PPP1R9A: variants seen among roughly 807,000 people sequenced by gnomAD.
PPP1R9A encodes protein phosphatase 1 regulatory subunit 9A.
In PPP1R9A, 59 loss-of-function variants were observed where a neutral mutation model predicts 141.9. That is an observed-to-expected ratio of 0.42 (90% CI 0.34 to 0.52). PPP1R9A has a LOEUF of 0.52. PPP1R9A is among the 20% of genes least tolerant of loss of function. PPP1R9A has a pLI of 0.10. For synonymous variants in PPP1R9A, 500 were observed against 569.7 expected, an observed-to-expected ratio of 0.88 and a Z score of 1.74; for missense variants, 1,444 against 1,611.9, an observed-to-expected ratio of 0.90 and a Z score of 1.78.
chr7:95,287,159 G>A (rs1805504544), intron 18 of PPP1R9A: 2 of 1,610,434 alleles, frequency 1.2e-6, no homozygotes, highest in Non-Finnish European at 1.7e-6. Flanking sequence ...GCTGTGTGTG[G>A]TGGCTTGTGT....
intron 2 of PPP1R9A, among the ~76,000 whole-genome samples, chr7:94,919,987 A>G (rs1458981519): frequency 2.2e-4 from 34 of 152,176 alleles, no homozygotes; most frequent in Admixed American, 2.2e-3. Flanking sequence ...TGTCTTAAAC[A>G]TATTTGTACT....
intron 2 of PPP1R9A, among the ~76,000 whole-genome samples, chr7:95,048,652 C>T (rs1810369311): frequency 6.6e-6 from 1 of 151,980 alleles, no homozygotes; most frequent in African/African-American, 2.4e-5. Flanking sequence ...AATCTATTCT[C>T]CTGCCTCAAC....
chr7:95,038,557 C>T (rs1294764818), intron 2 of PPP1R9A, among the ~76,000 whole-genome samples: 9 of 152,048 alleles, frequency 5.9e-5, no homozygotes, highest in Non-Finnish European at 5.9e-5. Context: ...TGTCCACACT[C>T]CAGGGTGAAA....
chr7:95,280,403 T>G (rs1803976341), intron 16 of PPP1R9A, among the ~76,000 whole-genome samples: 1 of 152,214 alleles, frequency 6.6e-6, no homozygotes, highest in South Asian at 2.1e-4. Context: ...TATTCAAAGT[T>G]AGAATGACAA....
At chr7:95,158,966 G>A (rs549844683) in intron 4 of PPP1R9A, among the ~76,000 whole-genome samples, 6 of 152,326 alleles carry the variant, frequency 3.9e-5, no homozygotes, top group East Asian at 1.9e-4. Context: ...AGGGCATGGA[G>A]ATTTGTTAAT....
intron 2 of PPP1R9A, among the ~76,000 whole-genome samples, chr7:95,060,575 G>T (rs544895481): frequency 7.2e-4 from 110 of 152,298 alleles, no homozygotes; most frequent in Middle Eastern, 3.4e-3. Context: ...GATGGAATCA[G>T]TCTTGGTTAG....
At chr7:95,133,003 G>A (rs1358390088) in intron 4 of PPP1R9A, among the ~76,000 whole-genome samples, 5 of 152,114 alleles carry the variant, frequency 3.3e-5, no homozygotes, top group Non-Finnish European at 7.4e-5. Flanking sequence ...CTGGGTTCTT[G>A]TGCCATGACC....
At chr7:95,041,890 A>G (rs1369673424) in intron 2 of PPP1R9A, among the ~76,000 whole-genome samples, 1 of 152,122 alleles carries the variant, frequency 6.6e-6, no homozygotes, top group Non-Finnish European at 1.5e-5. Flanking sequence ...TTTGAGATCT[A>G]TTTGCACACT....
At chr7:95,058,004 A>C (rs189128038) in intron 2 of PPP1R9A, among the ~76,000 whole-genome samples, 132 of 152,300 alleles carry the variant, frequency 8.7e-4, no homozygotes, top group Non-Finnish European at 1.7e-3. Flanking sequence ...AAACCAGAGT[A>C]CTAGAAATTC....
intron 2 of PPP1R9A, among the ~76,000 whole-genome samples, chr7:95,107,250 T>A (rs1361329212): frequency 6.6e-6 from 1 of 152,220 alleles, no homozygotes; most frequent in Non-Finnish European, 1.5e-5. Context: ...TACCTACTTA[T>A]ACATGCAATT....
At chr7:95,002,648 G>A (rs941378757) in intron 2 of PPP1R9A, among the ~76,000 whole-genome samples, 16 of 152,116 alleles carry the variant, frequency 1.1e-4, no homozygotes, top group African/African-American at 3.9e-4. Context: ...GATTTCGCAG[G>A]AAAGAAAAGT....
At chr7:95,175,490 C>A (rs1448378865) in intron 5 of PPP1R9A, among the ~76,000 whole-genome samples, 1 of 149,198 alleles carries the variant, frequency 6.7e-6, no homozygotes, top group Non-Finnish European at 1.5e-5. Flanking sequence ...TTCTATAACC[C>A]TTTGCCTTTA....
chr7:95,274,172 C>A lies in PPP1R9A; in HGVS notation c.3296+4C>A. The A allele has an allele frequency of 6.5e-7, 1 of 1,548,480 alleles. No individual in the cohort carries two copies. The highest frequency in any genetic ancestry group is 8.7e-7 in the Non-Finnish European group (1 of 1,144,378). ...GTAGGTTTTCTGCAGGTAGCAGGTA[C>A]GGTTGTGTGATTAAGAACACGTGTA... On this transcript the variant is annotated splice_donor_region_variant and intron_variant, in intron 16 of 19. Transcript: ENST00000433360.
intron 12 of PPP1R9A, among the ~76,000 whole-genome samples, chr7:95,264,778 T>G (rs138769414): frequency 1.5e-3 from 221 of 152,248 alleles, no homozygotes; most frequent in African/African-American, 5.2e-3. Context: ...TTTCAGAGAC[T>G]GGAGGGTCTG....
intron 7 of PPP1R9A, among the ~76,000 whole-genome samples, chr7:95,219,299 CA>C: frequency 6.6e-6 from 1 of 152,176 alleles, no homozygotes; most frequent in Non-Finnish European, 1.5e-5. Context: ...TATTGGCCCC[CA>C]CTCTCTTCTG....
At chr7:95,217,106 G>C (rs1162414998) in intron 7 of PPP1R9A, among the ~76,000 whole-genome samples, 1 of 152,112 alleles carries the variant, frequency 6.6e-6, no homozygotes, top group Admixed American at 6.6e-5. Flanking sequence ...CTGTGGGTTT[G>C]TCATAAATAG....
Position 95,120,836 on chromosome 7 carries a change from A to T in PPP1R9A, c.1649+4A>T. 6.2e-7 allele frequency: 1 copy of T among 1,612,694 alleles called. No homozygotes were observed. Among genetic ancestry groups the T allele is most frequent in the Non-Finnish European group, 8.5e-7 (1 of 1,179,448 alleles). ...GTGCTGCTCAACGGGATGGCAGGTAAATTAAGGACTGTTGTTAATAACTTA... is the reference window on the plus strand; with the variant it reads ...GTGCTGCTCAACGGGATGGCAGGTATATTAAGGACTGTTGTTAATAACTTA... On this transcript the variant is annotated splice_donor_region_variant and intron_variant, in intron 4 of 19. Coordinates refer to ENST00000433360, the MANE Select transcript of PPP1R9A (RefSeq NM_001166160.2).
intron 2 of PPP1R9A, among the ~76,000 whole-genome samples, chr7:95,002,148 C>G (rs979011997): frequency 6.6e-6 from 1 of 152,164 alleles, no homozygotes; most frequent in Non-Finnish European, 1.5e-5. Flanking sequence ...CTGAAACTTA[C>G]TAACCCCCAG....
intron 2 of PPP1R9A, among the ~76,000 whole-genome samples, chr7:94,994,194 C>T (rs1801871091): frequency 6.6e-6 from 1 of 151,906 alleles, no homozygotes; most frequent in Non-Finnish European, 1.5e-5. Context: ...AAGATATAAT[C>T]TATTGGGATC....
Sources: gnomAD v4.1 joint callset for allele counts (sites outside exome capture counted in the v4.1 genomes callset) on GRCh38, gnomAD v4.1.1 for gene constraint, MANE v1.5 for transcripts, NCBI Gene and HGNC (gene_info 2026-07-23, HGNC 2026-07-21) for gene names.